The following LRP5 variants were observed in gnomAD, a reference collection of about 807,000 sequenced individuals.
The protein encoded by LRP5 is low-density lipoprotein receptor-related protein 5.
Under a neutral mutation model 154.1 loss-of-function variants are expected in LRP5, and 62 were observed. The ratio of observed to expected loss-of-function variants is 0.40; its 90% CI spans 0.33 to 0.50. The LOEUF (loss-of-function observed/expected upper bound fraction) is 0.50. Ranked by LOEUF, LRP5 falls within the 20% of genes least tolerant of loss-of-function variation. The pLI is 0.55. For synonymous variants in LRP5, 966 were observed against 1,011.5 expected, an observed-to-expected ratio of 0.96 and a Z score of 0.85; for missense variants, 1,915 against 2,336.7, an observed-to-expected ratio of 0.82 and a Z score of 3.72.
chr11:68,433,313 C>G (rs1411477273), intron 17 of LRP5, among the ~76,000 whole-genome samples: 1 of 152,246 alleles, frequency 6.6e-6, no homozygotes, highest in Non-Finnish European at 1.5e-5. Context: ...GCTTAAAGCT[C>G]TGATTCCCAG....
chr11:68,315,103 G>T (rs1465463206), intron 1 of LRP5, among the ~76,000 whole-genome samples: 1 of 152,076 alleles, frequency 6.6e-6, no homozygotes, highest in Non-Finnish European at 1.5e-5. Flanking sequence ...GGGTGGAGGG[G>T]TTTGGGGTCA....
rs2098667035 is a variant in LRP5, at chr11:68,423,578, C to G, written c.3117C>G (p.Phe1039Leu). 1 of 1,614,266 alleles carries G rather than the reference C, an allele frequency of 6.2e-7. No individual in the cohort carries two copies. Among genetic ancestry groups the G allele is most frequent in the East Asian group, 2.2e-5 (1 of 44,882 alleles). ...LSIDIYSRTL[F>L]WTCEATNTIN... is the part of the protein sequence containing the mutation. ...TCGACATCTACAGCCGGACACTGTT[C>G]TGGACGTGCGAGGCCACCAATACCA... is the stretch of plus-strand genomic sequence containing the variant. The change falls in exon 14 of 23, where the codon TTC becomes TTG. Residue 1039 changes from phenylalanine (F) to leucine (L), a missense_variant. Physicochemically the swap from Phe to Leu is conservative, Grantham distance 22 (BLOSUM62 0). Transcript: ENST00000294304. The surrounding 1 kb of genome is among the most constrained non-coding windows in gnomAD (Gnocchi z 4.7).
chr11:68,380,985 A>T (rs643892), intron 5 of LRP5, among the ~76,000 whole-genome samples: 87,161 of 152,178 alleles, frequency 0.57, 27,590 homozygotes, highest in South Asian at 0.88. Context: ...GGGTCTTGGC[A>T]GATGTAATCA....
chr11:68,383,193 T>G (rs2098641219), intron 5 of LRP5, among the ~76,000 whole-genome samples: 1 of 152,122 alleles, frequency 6.6e-6, no homozygotes, highest in Admixed American at 6.6e-5. Context: ...TAGTGATTTC[T>G]TAGGAGGACA....
At chr11:68,426,216 A>T in intron 16 of LRP5, 29 bp downstream of exon 16, 1 of 1,596,880 alleles carries the variant, frequency 6.3e-7, no homozygotes, top group Non-Finnish European at 8.5e-7. Context: ...TGGGGTGGGC[A>T]GGGTGGCCTC....
rs750390421 is a variant in LRP5, at chr11:68,413,785, G to T, written c.2600G>T (p.Ser867Ile). The change falls in exon 12 of 23, where the codon AGC (serine) becomes ATC (isoleucine). Residue 867 changes from serine to isoleucine, a missense_variant. Around this residue, in one of 3 missense-constraint regions of LRP5, gnomAD observed 1,094 missense variants for 1,210.1 expected, o/e 0.90. Coordinates refer to ENST00000294304, the MANE Select transcript of LRP5 (RefSeq NM_002335.4). The surrounding 1 kb of genome is among the most constrained non-coding windows in gnomAD (Gnocchi z 5.1). The stretch of plus-strand genomic sequence containing the variant: ...TACTGGACAGACTGGAATCTGCACA[G>T]CATTGAGCGGGCCGACAAGACTAGC... ...YIYWTDWNLH[S>I]IERADKTSGR... 2 of 1,613,598 alleles carry T rather than the reference G, an allele frequency of 1.2e-6. No individual in the cohort carries two copies. Among genetic ancestry groups the T allele is most frequent in the East Asian group, 2.2e-5 (1 of 44,874 alleles).
intron 5 of LRP5, among the ~76,000 whole-genome samples, chr11:68,383,025 G>A (rs1248452437): frequency 6.6e-6 from 1 of 152,062 alleles, no homozygotes; most frequent in Non-Finnish European, 1.5e-5. Flanking sequence ...TTACAGGAGT[G>A]CGCCACCAGG....
chr11:68,371,742 G>A (rs1290334377), intron 5 of LRP5, among the ~76,000 whole-genome samples: 1 of 152,278 alleles, frequency 6.6e-6, no homozygotes, highest in African/African-American at 2.4e-5. Flanking sequence ...GTGAAATTCT[G>A]TCGCTTGTTG....
At chr11:68,358,408 C>T (rs1335113494) in intron 3 of LRP5, among the ~76,000 whole-genome samples, 10 of 152,182 alleles carry the variant, frequency 6.6e-5, no homozygotes, top group East Asian at 1.9e-4. Flanking sequence ...CCACCGCACC[C>T]GGCCCATGCA....
chr11:68,312,725 C>A lies in LRP5; in HGVS notation c.11C>A (p.Ala4Glu), dbSNP rs1389034811. The part of the protein sequence containing the change: MEA[A>E]PPGPPWPLLL... The stretch of plus-strand genomic sequence containing the variant: ...CGGCCGCCGGACAACATGGAGGCAG[C>A]GCCGCCCGGGCCGCCGTGGCCGCTG... Residue 4 changes from alanine to glutamate, a missense_variant, in exon 1 of 23, where the codon GCG (alanine) becomes GAG (glutamate). Transcript: ENST00000294304. 2 of 1,048,310 alleles carry A rather than the reference C, an allele frequency of 1.9e-6. No homozygotes were observed. Among genetic ancestry groups the A allele is most frequent in the East Asian group, 9.7e-5 (1 of 10,326 alleles). 64.9% of individuals were successfully genotyped at this position (1,048,310 alleles called of 1,614,324 possible). A position where few individuals can be genotyped will look rare whatever the true frequency, so the allele number is the denominator to read the frequency against.
intron 20 of LRP5, 113 bp downstream of exon 20, chr11:68,438,795 C>A: frequency 2.3e-6 from 2 of 869,128 alleles, no homozygotes; most frequent in South Asian, 1.6e-5. Flanking sequence ...ATGTGGCAGA[C>A]ATTGCTAATC....
chr11:68,336,816 G>A (rs1314860304), intron 1 of LRP5, among the ~76,000 whole-genome samples: 2 of 152,090 alleles, frequency 1.3e-5, no homozygotes, highest in Admixed American at 6.6e-5. Context: ...AACACTTATC[G>A]TCGTAACCAT....
chr11:68,423,678 G>A lies in LRP5; in HGVS notation c.3217G>A (p.Val1073Ile), dbSNP rs769451612. The A allele has an allele frequency of 1.3e-5, 21 of 1,612,674 alleles. No homozygotes were observed. The highest frequency in any genetic ancestry group is 4.0e-5 in the African/African-American group (3 of 74,940). Residue 1073 changes from valine to isoleucine, a missense_variant, in exon 14 of 23, where the codon GTC becomes ATC. Transcript: ENST00000294304. The surrounding 1 kb of genome is among the most constrained non-coding windows in gnomAD (Gnocchi z 4.7). Reference sequence around the variant, plus strand: ...GGACCGCGACAAGCCCAGGGCCATCGTCGTCAACGCGGAGCGAGGGTAGGA... The same window carrying A: ...GGACCGCGACAAGCCCAGGGCCATCATCGTCAACGCGGAGCGAGGGTAGGA... Reference protein sequence around the residue: ...RGDRDKPRAIVVNAERGYLYF... With the variant: ...RGDRDKPRAIIVNAERGYLYF...
At chr11:68,302,568 C>T in the LRP5 span, among the ~76,000 whole-genome samples, 257 of 152,196 alleles carry the variant, frequency 1.7e-3, 4 homozygotes, top group East Asian at 1.9e-4. Context: ...CCAGGATGGT[C>T]GGTTGCCCTA....
intron 14 of LRP5, 27 bp from the exon 15 acceptor site, chr11:68,425,075 C>T (rs1201869898): frequency 5.0e-6 from 8 of 1,608,576 alleles, no homozygotes; most frequent in African/African-American, 2.7e-5. Context: ...TCCCCACACC[C>T]GTCCTTCACC....
chr11:68,427,516 C>T (rs1345642230), intron 16 of LRP5, among the ~76,000 whole-genome samples: 1 of 152,160 alleles, frequency 6.6e-6, no homozygotes, highest in African/African-American at 2.4e-5. Flanking sequence ...CCCGTCTCTA[C>T]TAAAAATACA....
chr11:68,312,587 C>G (rs2098588933), upstream of LRP5: 1 of 227,780 alleles, frequency 4.4e-6, no homozygotes, highest in Non-Finnish European at 7.2e-6. Flanking sequence ...GCTCCCTCCT[C>G]CCCGTCGTCC....
intron 7 of LRP5, among the ~76,000 whole-genome samples, chr11:68,401,413 G>A (rs987926278): frequency 1.3e-5 from 2 of 152,212 alleles, no homozygotes; most frequent in South Asian, 2.1e-4. Flanking sequence ...CATCAGAACC[G>A]CCTGTTGGGA....
At chr11:68,430,727 A>G (rs528205122) in intron 17 of LRP5, among the ~76,000 whole-genome samples, 4 of 152,076 alleles carry the variant, frequency 2.6e-5, no homozygotes, top group Non-Finnish European at 1.5e-5. Flanking sequence ...TAGTAGTTCT[A>G]TCTTTTTCTC....
Sources: allele counts gnomAD v4.1 joint callset (sites outside exome capture counted in the v4.1 genomes callset), GRCh38; gene constraint gnomAD v4.1.1; regional missense constraint gnomAD v4.1.1; non-coding constraint Gnocchi (gnomAD v3.1); transcripts MANE v1.5; gene names NCBI Gene and HGNC (gene_info 2026-07-23, HGNC 2026-07-21).